The following SPTBN1 variants were observed in gnomAD, a reference collection of about 807,000 sequenced individuals.
The protein encoded by SPTBN1 is spectrin beta chain, non-erythrocytic 1.
SPTBN1 carries 32 observed loss-of-function variants against 266.4 expected under a neutral mutation model. That is an observed-to-expected ratio of 0.12 (90% CI 0.09 to 0.16). SPTBN1 has a LOEUF of 0.16. Among genes scored for constraint, SPTBN1 ranks in the 10% least tolerant of loss-of-function variants. SPTBN1 has a pLI of 1.00. For synonymous variants in SPTBN1, 1,336 were observed against 1,162.2 expected (o/e 1.15, Z -3.04); for missense variants, 2,296 against 3,067.1 (o/e 0.75, Z 5.94).
At chr2:54,585,814 C>A (rs1428343363) in intron 2 of SPTBN1, among the ~76,000 whole-genome samples, 1 of 152,106 alleles carries the variant, frequency 6.6e-6, no homozygotes, top group East Asian at 1.9e-4. Flanking sequence ...AAATGACAGG[C>A]GACCTTTATG....
In SPTBN1 at chr2:54,653,544, G is replaced by T; in HGVS notation, c.5578-65G>T. ...TAGTGTATGAGCAGAACAGAATAGG[G>T]CTTGGGGTGATGGTGGGAAGGCCGC... On this transcript the variant is annotated intron_variant, in intron 26 of 35. Transcript: ENST00000356805. This position sits in a 1 kb window ranked among gnomAD's most constrained non-coding sequence, Gnocchi z 5.1. 2 of 1,589,738 alleles carry T rather than the reference G, an allele frequency of 1.3e-6. No individual in the cohort carries two copies. The highest frequency in any genetic ancestry group is 2.2e-5 in the East Asian group (1 of 44,764).
intron 1 of SPTBN1, among the ~76,000 whole-genome samples, chr2:54,502,549 A>G (rs1669330196): frequency 6.6e-6 from 1 of 152,018 alleles, no homozygotes; most frequent in South Asian, 2.1e-4. Flanking sequence ...CTGTGTGTGC[A>G]TGGGTGACAG....
chr2:54,583,895 A>G (rs1317229366), intron 2 of SPTBN1, among the ~76,000 whole-genome samples: 2 of 152,168 alleles, frequency 1.3e-5, no homozygotes, highest in Non-Finnish European at 2.9e-5. Context: ...AAATCATTTC[A>G]TATTTTCCCC....
chr2:54,601,371 C>G (rs1480434514), intron 3 of SPTBN1, among the ~76,000 whole-genome samples: 2 of 152,160 alleles, frequency 1.3e-5, no homozygotes, highest in Non-Finnish European at 2.9e-5. Context: ...GCCTCGTAGT[C>G]TGTTTGGTTC....
intron 2 of SPTBN1, among the ~76,000 whole-genome samples, chr2:54,556,264 T>C (rs1672866508): frequency 1.3e-5 from 2 of 152,140 alleles, no homozygotes. Flanking sequence ...CCCCGTGGGG[T>C]TATTAAACCC....
In SPTBN1 at chr2:54,626,095, G is replaced by C; in HGVS notation, c.1505G>C (p.Arg502Thr). The change falls in exon 12 of 36, where the codon AGG (arginine) becomes ACG (threonine). Residue 502 changes from arginine to threonine, a missense_variant. By Grantham distance (71) the Arg-to-Thr change is moderately conservative. This residue lies in a region of SPTBN1 where 434 missense variants were observed against 573.9 expected (regional missense o/e 0.76). Coordinates refer to ENST00000356805, the MANE Select transcript of SPTBN1 (RefSeq NM_003128.3). The surrounding 1 kb of genome is among the most constrained non-coding windows in gnomAD (Gnocchi z 4.7). ...NYHDIKRITA[R>T]KDNVIRLWEY... ...CACGACATCAAGCGCATCACAGCGA[G>C]GAAGGACAATGTCATCCGGCTCTGG... 1 of 1,614,180 alleles carries C rather than the reference G, an allele frequency of 6.2e-7. No homozygotes were observed. The highest frequency in any genetic ancestry group is 1.3e-5 in the African/African-American group (1 of 75,044).
intron 4 of SPTBN1, among the ~76,000 whole-genome samples, chr2:54,612,865 TTG>T (rs1350601616): frequency 5.3e-5 from 8 of 152,184 alleles, no homozygotes; most frequent in Admixed American, 5.2e-4. Flanking sequence ...TACAAAACTC[TTG>T]TGTTTCTTTG....
chr2:54,644,994 A>G (rs1294781649), intron 20 of SPTBN1, among the ~76,000 whole-genome samples: 1 of 152,262 alleles, frequency 6.6e-6, no homozygotes, highest in African/African-American at 2.4e-5. Context: ...GGTAATAAAA[A>G]TAACTGTTTA....
chr2:54,623,376 C>T (rs1204157976), intron 9 of SPTBN1, 103 bp from the exon 10 acceptor site: 7 of 965,790 alleles, frequency 7.2e-6, no homozygotes, highest in Non-Finnish European at 1.2e-5. Context: ...CTTTGACATG[C>T]ATTTCATGTA....
At chr2:54,629,829 G>C (rs767066541) in intron 14 of SPTBN1, 26 bp downstream of exon 14, 15 of 1,612,028 alleles carry the variant, frequency 9.3e-6, no homozygotes, top group Non-Finnish European at 1.3e-5. Context: ...GTCAGCCACT[G>C]GCCTGTTCCT....
chr2:54,490,608 A>T (rs1361075699), intron 1 of SPTBN1, among the ~76,000 whole-genome samples: 4 of 152,192 alleles, frequency 2.6e-5, no homozygotes, highest in Non-Finnish European at 5.9e-5. Context: ...ATTTCCCCTT[A>T]GTAGCGGACA....
At chr2:54,495,102 A>AGGAGG (rs1668895025) in intron 1 of SPTBN1, among the ~76,000 whole-genome samples, 1 of 152,092 alleles carries the variant, frequency 6.6e-6, no homozygotes, top group African/African-American at 2.4e-5. Context: ...GACCCCCTGG[A>AGGAGG]GGAGGTGAGC....
intron 35 of SPTBN1, among the ~76,000 whole-genome samples, chr2:54,668,052 T>A (rs1572791927): frequency 6.6e-6 from 1 of 152,176 alleles, no homozygotes; most frequent in Non-Finnish European, 1.5e-5. Flanking sequence ...ATGCTTTAAA[T>A]GTGAAAAAGC....
chr2:54,585,072 C>T (rs957597069), intron 2 of SPTBN1, among the ~76,000 whole-genome samples: 2 of 152,136 alleles, frequency 1.3e-5, no homozygotes, highest in East Asian at 3.8e-4. Context: ...ATTAATAGAA[C>T]AACAGAAAAA....
At position 54,645,142 on chromosome 2, in the gene SPTBN1, A is replaced by G; in HGVS notation, c.4270-87A>G. 4 of 1,455,402 alleles carry G rather than the reference A, an allele frequency of 2.7e-6. No individual in the cohort carries two copies. The highest frequency in any genetic ancestry group is 3.8e-6 in the Non-Finnish European group (4 of 1,055,570). The allele number at this position is 1,455,402 out of a possible 1,614,324, so 90.2% of individuals were successfully genotyped here. A position where few individuals can be genotyped will look rare whatever the true frequency, so the allele number is the denominator to read the frequency against. On this transcript the variant is annotated intron_variant, in intron 20 of 35. Transcript: ENST00000356805. The surrounding 1 kb of genome is among the most constrained non-coding windows in gnomAD (Gnocchi z 4.3). ...CCATGGCTGGCTTTGCGGTGTGGCC[A>G]AGTCCCAGGCCCAGCAGTTCTGCTT...
At chr2:54,590,547 G>T (rs1368445738) in intron 2 of SPTBN1, among the ~76,000 whole-genome samples, 1 of 152,208 alleles carries the variant, frequency 6.6e-6, no homozygotes, top group Non-Finnish European at 1.5e-5. Context: ...TATAATAAAA[G>T]ATGAGAGACC....
At chr2:54,610,220 C>G in intron 3 of SPTBN1, among the ~76,000 whole-genome samples, 1 of 152,186 alleles carries the variant, frequency 6.6e-6, no homozygotes, top group Non-Finnish European at 1.5e-5. Flanking sequence ...TGAACCTTTC[C>G]TGGTTCTGAG....
intron 2 of SPTBN1, among the ~76,000 whole-genome samples, chr2:54,570,572 G>C (rs6734536): frequency 2.0e-5 from 3 of 152,000 alleles, no homozygotes; most frequent in African/African-American, 7.3e-5. Context: ...AACTGTGATA[G>C]AATTTTGGAG....
intron 31 of SPTBN1, 91 bp downstream of exon 31, chr2:54,659,357 C>T (rs1680886089): frequency 4.9e-6 from 6 of 1,234,674 alleles, no homozygotes; most frequent in South Asian, 2.5e-5. Context: ...CATTGCTAGG[C>T]CTAACCACAT....
Sources: allele counts gnomAD v4.1 joint callset (sites outside exome capture counted in the v4.1 genomes callset), GRCh38; gene constraint gnomAD v4.1.1; regional missense constraint gnomAD v4.1.1; non-coding constraint Gnocchi (gnomAD v3.1); transcripts MANE v1.5; gene names NCBI Gene and HGNC (gene_info 2026-07-23, HGNC 2026-07-21).